Variants in TUSC3 observed in about 807,000 individuals in gnomAD.
The protein encoded by TUSC3 is dolichyl-diphosphooligosaccharide--protein glycosyltransferase subunit TUSC3.
Under a neutral mutation model 44.8 loss-of-function variants are expected in TUSC3, and 45 were observed. That is an observed-to-expected ratio of 1.00 (90% CI 0.79 to 1.29). The LOEUF is 1.29. Ranked by LOEUF, TUSC3 falls within the 50% of genes most tolerant of loss-of-function variation. TUSC3 has a pLI of 0.00. For synonymous variants in TUSC3, 212 were observed against 152.9 expected (o/e 1.39, Z -2.85); for missense variants, 519 against 437.9 (o/e 1.19, Z -1.65).
intron 2 of TUSC3, among the ~76,000 whole-genome samples, chr8:15,514,826 C>T (rs1207740399): frequency 1.3e-5 from 2 of 152,168 alleles, no homozygotes; most frequent in Admixed American, 1.3e-4. Context: ...GACTCAGCCA[C>T]TCGCTAGGCT....
At chr8:15,504,526 A>C (rs1425171549) in intron 2 of TUSC3, among the ~76,000 whole-genome samples, 1 of 141,088 alleles carries the variant, frequency 7.1e-6, no homozygotes, top group African/African-American at 2.6e-5. Context: ...TTAGGTTGCC[A>C]AACAGAATTC....
At chr8:15,417,657 G>A (rs1255486950) in intron 1 of TUSC3, among the ~76,000 whole-genome samples, 2 of 152,208 alleles carry the variant, frequency 1.3e-5, no homozygotes, top group Non-Finnish European at 2.9e-5. Flanking sequence ...AAATATTGCT[G>A]CATATTCACA....
intron 2 of TUSC3, among the ~76,000 whole-genome samples, chr8:15,643,708 G>C (rs1304708022): frequency 2.0e-5 from 3 of 152,108 alleles, no homozygotes; most frequent in Non-Finnish European, 4.4e-5. Context: ...CTCTTCAGAG[G>C]CCTTAGGTCT....
At chr8:15,501,900 T>A (rs148250030) in intron 2 of TUSC3, among the ~76,000 whole-genome samples, 1 of 152,360 alleles carries the variant, frequency 6.6e-6, no homozygotes, top group East Asian at 1.9e-4. Flanking sequence ...TTATCCTACC[T>A]GTGTCCACCT....
chr8:15,500,122 C>G (rs142826015), intron 2 of TUSC3, among the ~76,000 whole-genome samples: 11 of 152,138 alleles, frequency 7.2e-5, no homozygotes, highest in Non-Finnish European at 1.2e-4. Context: ...TCATTGTTGC[C>G]AACATTGACA....
intron 1 of TUSC3, among the ~76,000 whole-genome samples, chr8:15,548,005 T>C (rs1195879766): frequency 6.6e-6 from 1 of 151,632 alleles, no homozygotes; most frequent in African/African-American, 2.4e-5. Flanking sequence ...TTTAATTGTT[T>C]TTTCTTCTGT....
chr8:15,452,587 A>C (rs1168018802), intron 1 of TUSC3, among the ~76,000 whole-genome samples: 1 of 152,204 alleles, frequency 6.6e-6, no homozygotes, highest in South Asian at 2.1e-4. Context: ...GAAAGCAAAA[A>C]GAGAAAGCAG....
intron 6 of TUSC3, among the ~76,000 whole-genome samples, chr8:15,694,303 A>T (rs1159879127): frequency 6.6e-6 from 1 of 151,936 alleles, no homozygotes; most frequent in Non-Finnish European, 1.5e-5. Flanking sequence ...TTAGCCAAGC[A>T]TGGTGGCGTG....
chr8:15,612,041 G>A (rs377528707), intron 1 of TUSC3, among the ~76,000 whole-genome samples: 1 of 152,110 alleles, frequency 6.6e-6, no homozygotes, highest in South Asian at 2.1e-4. Flanking sequence ...AATATAAGAA[G>A]AACAGAAGGG....
the TUSC3 span, among the ~76,000 whole-genome samples, chr8:15,825,885 C>CTTTTTTTTTTT: frequency 1.7e-5 from 2 of 120,390 alleles, no homozygotes; most frequent in African/African-American, 2.9e-5. Context: ...ACAGTTGTTT[C>CTTTTTTTTTTT]TTTTTTTTTT....
chr8:15,673,871 T>G, intron 6 of TUSC3, 35 bp downstream of exon 6: 1 of 1,535,306 alleles, frequency 6.5e-7, no homozygotes. Context: ...TATTCTGAAG[T>G]TTAATCCAGC....
At chr8:15,532,625 C>G (rs1801464634) in intron 2 of TUSC3, among the ~76,000 whole-genome samples, 1 of 152,152 alleles carries the variant, frequency 6.6e-6, no homozygotes, top group Non-Finnish European at 1.5e-5. Flanking sequence ...ATTAGCTTTT[C>G]ACAATTTACA....
At chr8:15,521,962 G>C (rs1053663118) in intron 2 of TUSC3, among the ~76,000 whole-genome samples, 2 of 152,184 alleles carry the variant, frequency 1.3e-5, no homozygotes, top group Admixed American at 1.3e-4. Flanking sequence ...TGCAGCAAAC[G>C]AATAGCTGCT....
the TUSC3 span, among the ~76,000 whole-genome samples, chr8:15,772,826 A>C: frequency 6.6e-6 from 1 of 152,324 alleles, no homozygotes; most frequent in South Asian, 2.1e-4. Context: ...TTATTCCAGA[A>C]ATGCGAAGGT....
the TUSC3 span, among the ~76,000 whole-genome samples, chr8:15,795,344 G>T: frequency 6.6e-6 from 1 of 152,160 alleles, no homozygotes; most frequent in Admixed American, 6.5e-5. Context: ...AGCTGAAACT[G>T]ATTTTATTGT....
At chr8:15,513,087 T>G (rs1801164477) in intron 2 of TUSC3, among the ~76,000 whole-genome samples, 1 of 151,252 alleles carries the variant, frequency 6.6e-6, no homozygotes, top group South Asian at 2.1e-4. Context: ...CCAAAATTAT[T>G]ACTCGAAAAA....
intron 6 of TUSC3, among the ~76,000 whole-genome samples, chr8:15,679,605 C>G (rs1001563112): frequency 7.2e-5 from 11 of 152,094 alleles, no homozygotes; most frequent in Non-Finnish European, 7.4e-5. Flanking sequence ...TAATTAGGTT[C>G]CACTTGTCAA....
intron 6 of TUSC3, among the ~76,000 whole-genome samples, chr8:15,703,553 G>A (rs1269050465): frequency 6.6e-6 from 1 of 152,136 alleles, no homozygotes; most frequent in Non-Finnish European, 1.5e-5. Context: ...AAAGAAAAGA[G>A]TTTTATTTGG....
In TUSC3 at chr8:15,763,505, G is replaced by A. The variant is rs975006489; in HGVS notation, c.*47-698G>A. ...TCTGGTTGCCTTGCAAAGTTGTCTT[G>A]TGTTGTCAAGACTCAAAAAGAACAT... is the stretch of plus-strand genomic sequence containing the variant. On this transcript the variant is annotated intron_variant, in intron 10 of 10. Transcript: ENST00000503731. 5.9e-5 allele frequency among the ~76,000 whole-genome samples: 9 copies of A among 151,360 alleles called. No individual in the cohort carries two copies. In the East Asian group the frequency reaches 1.6e-3, roughly 26 times the overall value.
Sources: allele counts gnomAD v4.1 joint callset (sites outside exome capture counted in the v4.1 genomes callset), GRCh38; gene constraint gnomAD v4.1.1; transcripts MANE v1.5; gene names NCBI Gene and HGNC (gene_info 2026-07-23, HGNC 2026-07-21).